The following ABLIM2 variants were observed in gnomAD, a reference collection of about 807,000 sequenced individuals.
ABLIM2 encodes the protein actin-binding LIM protein 2.
ABLIM2 carries 53 observed loss-of-function variants against 97.7 expected under a neutral mutation model. The observed-to-expected ratio is 0.54, with a 90% CI of 0.44 to 0.68. The LOEUF (loss-of-function observed/expected upper bound fraction) is 0.68, where lower values mean the gene tolerates loss of function less well. Ranked by LOEUF, ABLIM2 falls within the 30% of genes least tolerant of loss-of-function variation. ABLIM2 has a pLI of 0.00. For missense variants in ABLIM2, 835 were observed against 867.2 expected, an observed-to-expected ratio of 0.96 and a Z score of 0.47; for synonymous variants, 361 against 345.8, an observed-to-expected ratio of 1.04 and a Z score of -0.49.
At chr4:8,097,342 G>C in intron 2 of ABLIM2, 60 bp from the exon 3 acceptor site, 1 of 1,534,378 alleles carries the variant, frequency 6.5e-7, no homozygotes, top group Non-Finnish European at 8.8e-7. Flanking sequence ...ACGTCCCCCA[G>C]GCCCGAGGTG....
chr4:7,977,787 T>A (rs28447132), intron 20 of ABLIM2, among the ~76,000 whole-genome samples: 1 of 96,880 alleles, frequency 1.0e-5, no homozygotes, highest in African/African-American at 3.4e-5. Context: ...GGAGACTCTG[T>A]CTCAATAAAT....
At chr4:8,153,627 C>A (rs781414925) in intron 1 of ABLIM2, among the ~76,000 whole-genome samples, 23 of 152,196 alleles carry the variant, frequency 1.5e-4, no homozygotes, top group Non-Finnish European at 2.8e-4. Context: ...TGGGAGACAC[C>A]CCCATCCCAC....
At chr4:8,059,238 G>A (rs1801321223) in intron 7 of ABLIM2, among the ~76,000 whole-genome samples, 1 of 152,074 alleles carries the variant, frequency 6.6e-6, no homozygotes, top group Non-Finnish European at 1.5e-5. Context: ...ACCCCAAACA[G>A]GACTAGCAGG....
At position 8,061,906 on chromosome 4, in the gene ABLIM2, C is replaced by T. The variant is rs960040445; in HGVS notation, c.676-852G>A. ...AGCATCCCGTTTTCCCTGTCCTGTGCCTTCCCTAGGATGAAAACAGCCCCG... is the reference window on the plus strand; with the variant it reads ...AGCATCCCGTTTTCCCTGTCCTGTGTCTTCCCTAGGATGAAAACAGCCCCG... On this transcript the variant is annotated intron_variant, in intron 6 of 20. Coordinates refer to ENST00000447017, the MANE Select transcript of ABLIM2 (RefSeq NM_001130083.2). This position sits in a 1 kb window ranked among gnomAD's most constrained non-coding sequence, Gnocchi z 4.5. Among the ~76,000 whole-genome samples the T allele has an allele frequency of 1.3e-5, 2 of 152,150 alleles. No homozygotes were observed. Among genetic ancestry groups the T allele is most frequent in the African/African-American group, 4.8e-5 (2 of 41,424 alleles).
chr4:7,988,036 A>AT (rs1335745923), intron 17 of ABLIM2, among the ~76,000 whole-genome samples: 1 of 152,002 alleles, frequency 6.6e-6, no homozygotes, highest in Non-Finnish European at 1.5e-5. Context: ...TTTTTATTTT[A>AT]TTTTTGAGCC....
At position 7,966,821 on chromosome 4, in the gene ABLIM2, G is replaced by C. The variant is rs1577409197; in HGVS notation, c.*169C>G. 3.4e-6 allele frequency: 2 copies of C among 587,050 alleles called. No homozygotes were observed. The highest frequency in any genetic ancestry group is 5.6e-5 in the East Asian group (2 of 35,796). The allele number at this position is 587,050 out of a possible 1,614,324, so 36.4% of individuals were successfully genotyped here. On this transcript the variant is annotated 3_prime_UTR_variant, in exon 21 of 21. Coordinates refer to ENST00000447017, the MANE Select transcript of ABLIM2 (RefSeq NM_001130083.2). ...CGTCTCGGCCCTAAACTACCGGCAGGAGTGTCGCCGGCAGGTGCAGGGGCC... is the reference window on the plus strand; with the variant it reads ...CGTCTCGGCCCTAAACTACCGGCAGCAGTGTCGCCGGCAGGTGCAGGGGCC...
intron 16 of ABLIM2, chr4:8,007,769 GC>G: frequency 8.3e-7 from 1 of 1,199,662 alleles, no homozygotes. Flanking sequence ...CTCCTAAACA[GC>G]CCAGGAGCAG....
rs1341520402 is a variant in ABLIM2 at position 8,021,159 on chromosome 4, A to G, written c.1268-856T>C. On this transcript the variant is annotated intron_variant, in intron 12 of 20. Coordinates refer to ENST00000447017, the MANE Select transcript of ABLIM2 (RefSeq NM_001130083.2). This position sits in a 1 kb window ranked among gnomAD's most constrained non-coding sequence, Gnocchi z 5.5. ...GCATGAGCCACCGCACCCTGGCCAC[A>G]TTCTTAAATACAACTGCTTTTTGGC... Among the ~76,000 whole-genome samples the G allele has an allele frequency of 6.6e-6, 1 of 152,130 alleles. No homozygotes were observed. The highest frequency in any genetic ancestry group is 1.5e-5 in the Non-Finnish European group (1 of 68,020).
Position 8,036,282 on chromosome 4 carries a change from C to G in ABLIM2, c.914G>C (p.Gly305Ala), listed in dbSNP as rs1784412898. 6.2e-7 allele frequency: 1 copy of G among 1,613,754 alleles called. No individual in the cohort carries two copies. Among genetic ancestry groups the G allele is most frequent in the East Asian group, 2.2e-5 (1 of 44,882 alleles). ...PSRVIYAKLG[G>A]EILDYRDLAA... ...CAAGTCCCTGTAGTCCAGGATCTCA[C>G]CACCAAGCTTGGCCTGAGAGGGGAA... is the stretch of plus-strand genomic sequence containing the variant. The change falls in exon 10 of 21, where the codon GGT becomes GCT. Residue 305 changes from glycine to alanine, a missense_variant. Transcript: ENST00000447017.
At chr4:8,078,317 C>T (rs1465774828) in intron 5 of ABLIM2, among the ~76,000 whole-genome samples, 2 of 152,248 alleles carry the variant, frequency 1.3e-5, no homozygotes, top group African/African-American at 2.4e-5. Context: ...GAGGGCTGCA[C>T]GTATGCGTCC....
At chr4:8,090,552 T>G (rs1384121025) in intron 3 of ABLIM2, among the ~76,000 whole-genome samples, 1 of 151,502 alleles carries the variant, frequency 6.6e-6, no homozygotes, top group Admixed American at 6.6e-5. Flanking sequence ...ACCACCACAG[T>G]CATGATATGG....
intron 16 of ABLIM2, chr4:7,993,936 T>A (rs1267714225): frequency 5.8e-6 from 3 of 514,474 alleles, no homozygotes; most frequent in Non-Finnish European, 1.2e-5. Flanking sequence ...ACCTCCGAAG[T>A]AACCTCTTCA....
chr4:8,144,140 G>A (rs1310416227), intron 1 of ABLIM2, among the ~76,000 whole-genome samples: 1 of 152,224 alleles, frequency 6.6e-6, no homozygotes, highest in East Asian at 1.9e-4. Context: ...CCACAGGGGT[G>A]CCTGGCAGAG....
intron 20 of ABLIM2, among the ~76,000 whole-genome samples, chr4:7,974,284 T>A (rs1245492179): frequency 2.9e-5 from 4 of 135,704 alleles, no homozygotes; most frequent in East Asian, 2.6e-4. Context: ...TCCACCCACC[T>A]GCCCACCTAC....
rs543530114 is a variant in ABLIM2 at position 8,075,289 on chromosome 4, G to A, written c.675+2339C>T. Among the ~76,000 whole-genome samples, 8 of 152,264 alleles carry A rather than the reference G, an allele frequency of 5.3e-5. No individual in the cohort carries two copies. Among genetic ancestry groups the A allele is most frequent in the East Asian group, 3.9e-4 (2 of 5,182 alleles). The stretch of plus-strand genomic sequence containing the variant: ...AGAATGGTGGTTGCCGAGGGCTTGC[G>A]GGTACGGGGAGTGACAGCTAAAAGG... On this transcript the variant is annotated intron_variant, in intron 6 of 20. Transcript: ENST00000447017. This position sits in a 1 kb window ranked among gnomAD's most constrained non-coding sequence, Gnocchi z 4.4.
chr4:8,156,018 T>C (rs539502916), intron 1 of ABLIM2, among the ~76,000 whole-genome samples: 57 of 152,322 alleles, frequency 3.7e-4, no homozygotes, highest in African/African-American at 1.3e-3. Context: ...TGGTCTTTAG[T>C]ACTTTGTTAT....
At chr4:8,118,634 T>A (rs1310949335) in intron 1 of ABLIM2, among the ~76,000 whole-genome samples, 1 of 152,172 alleles carries the variant, frequency 6.6e-6, no homozygotes, top group Non-Finnish European at 1.5e-5. Context: ...CTAAGCCTGG[T>A]ACCCACCTGG....
intron 7 of ABLIM2, among the ~76,000 whole-genome samples, chr4:8,057,939 G>A (rs1352098568): frequency 6.6e-6 from 1 of 152,230 alleles, no homozygotes; most frequent in Admixed American, 6.5e-5. Context: ...CCAGGGAGCA[G>A]AGCCTCAAAG....
rs75440178 is a variant in ABLIM2, at chr4:8,124,637, T to C, written c.11-18000A>G. Reference sequence around the variant, plus strand: ...TATTCCGTTGTACAGACAGACCCTATTTGGCTCATCCATTAGTCAGTGGAT... The same window carrying C: ...TATTCCGTTGTACAGACAGACCCTACTTGGCTCATCCATTAGTCAGTGGAT... On this transcript the variant is annotated intron_variant, in intron 1 of 20. Transcript: ENST00000447017. The surrounding 1 kb of genome is among the most constrained non-coding windows in gnomAD (Gnocchi z 6.1). Among the ~76,000 whole-genome samples the C allele has an allele frequency of 0.095, 14,430 of 152,294 alleles. 968 individuals are homozygous for C. The highest frequency in any genetic ancestry group is 0.24 in the South Asian group (1,157 of 4,818).
Sources: allele counts gnomAD v4.1 joint callset (sites outside exome capture counted in the v4.1 genomes callset), GRCh38; gene constraint gnomAD v4.1.1; non-coding constraint Gnocchi (gnomAD v3.1); transcripts MANE v1.5; gene names NCBI Gene and HGNC (gene_info 2026-07-23, HGNC 2026-07-21).